DGCR2: variants seen among roughly 807,000 people sequenced by gnomAD.
The protein encoded by DGCR2 is DiGeorge syndrome critical region gene 2, also known as integral membrane protein DGCR2/IDD.
Under a neutral mutation model 51.6 loss-of-function variants are expected in DGCR2, and 24 were observed. The observed-to-expected ratio is 0.47, with a 90% CI of 0.34 to 0.65. The LOEUF (loss-of-function observed/expected upper bound fraction) is 0.65. DGCR2 is among the 30% of genes least tolerant of loss of function. The probability of loss-of-function intolerance (pLI) is 0.01; values close to 1 mark genes in which losing one functional copy is unlikely to be tolerated. For synonymous variants in DGCR2, 340 were observed against 315.4 expected (o/e 1.08, Z -0.82); for missense variants, 765 against 772.1 (o/e 0.99, Z 0.11).
Position 19,041,115 on chromosome 22 carries a change from G to C in DGCR2, c.1339C>G (p.Pro447Ala). The change falls in exon 9 of 10, where the codon CCT (proline) becomes GCT (alanine). Residue 447 changes from proline (P) to alanine (A), a missense_variant. Physicochemically the swap from Pro to Ala is conservative, Grantham distance 27 (BLOSUM62 -1). Coordinates refer to ENST00000263196, the MANE Select transcript of DGCR2 (RefSeq NM_005137.3). ...ATGGAGGCCTCGTAGGGCGGCGGAG[G>C]GTCGTCGGGCTGGCCGATGTCCGGG... Reference protein sequence around the residue: ...KYPDIGQPDDPPPPYEASIHP... With the variant: ...KYPDIGQPDDAPPPYEASIHP... 6.2e-7 allele frequency: 1 copy of C among 1,613,642 alleles called. No individual in the cohort carries two copies. Among genetic ancestry groups the C allele is most frequent in the Non-Finnish European group, 8.5e-7 (1 of 1,179,694 alleles).
At chr22:19,056,557 A>T (rs2082604741) in intron 6 of DGCR2, 1 of 349,604 alleles carries the variant, frequency 2.9e-6, no homozygotes, top group Non-Finnish European at 5.2e-6. Context: ...GCTTTAATAA[A>T]AAAAAAAAAA....
chr22:19,056,554 T>TC, intron 6 of DGCR2: 1 of 249,018 alleles, frequency 4.0e-6, no homozygotes, highest in South Asian at 5.9e-5. Context: ...CTGGCTTTAA[T>TC]AAAAAAAAAA....
chr22:19,121,861 G>A (rs573025750), intron 1 of DGCR2: 63 of 240,744 alleles, frequency 2.6e-4, no homozygotes, highest in African/African-American at 1.3e-3. Context: ...CGCCCGTGGC[G>A]TAGCTCCTGG....
chr22:19,110,187 C>T (rs1034727), intron 1 of DGCR2, among the ~76,000 whole-genome samples: 48,449 of 152,148 alleles, frequency 0.32, 8,706 homozygotes, highest in African/African-American at 0.49. Flanking sequence ...ATCCAAAAAA[C>T]GGGGTTACAG....
At chr22:19,068,256 T>C in intron 2 of DGCR2, 31 bp from the exon 3 acceptor site, 1 of 1,558,894 alleles carries the variant, frequency 6.4e-7, no homozygotes, top group Middle Eastern at 1.7e-4. Flanking sequence ...GTGCTGTGAG[T>C]CCTGCCTGTG....
rs1165723240 is a variant in DGCR2, at chr22:19,113,056, TG to T, written c.79+9071del. Among the ~76,000 whole-genome samples the T allele has an allele frequency of 1.9e-5, 2 of 104,294 alleles. 1 individual carries two copies. The highest frequency in any genetic ancestry group is 4.5e-5 in the Non-Finnish European group (2 of 44,894). The allele number at this position is 104,294 out of a possible 152,430, so 68.4% of individuals were successfully genotyped here. ...GCAACAGAGAAAGCAAGCAAGAACC[TG>T]GAACGCTGGATTAGAACTAAAGAAA... On this transcript the variant is annotated intron_variant, in intron 1 of 9. Coordinates refer to ENST00000263196, the MANE Select transcript of DGCR2 (RefSeq NM_005137.3).
At chr22:19,062,425 G>A (rs919133735) in intron 5 of DGCR2, among the ~76,000 whole-genome samples, 5 of 152,154 alleles carry the variant, frequency 3.3e-5, no homozygotes, top group African/African-American at 9.7e-5. Flanking sequence ...CTGTCCCCAG[G>A]CCCATCACTC....
chr22:19,065,487 C>T (rs1465957287), intron 3 of DGCR2, among the ~76,000 whole-genome samples: 1 of 152,204 alleles, frequency 6.6e-6, no homozygotes, highest in Non-Finnish European at 1.5e-5. Context: ...TTTCTACTTA[C>T]ATGAGCATTT....
In DGCR2 at chr22:19,041,932, G is replaced by C; in HGVS notation, c.1034C>G (p.Ala345Gly). 1 of 1,613,334 alleles carries C rather than the reference G, an allele frequency of 6.2e-7. No individual in the cohort carries two copies. Among genetic ancestry groups the C allele is most frequent in the Non-Finnish European group, 8.5e-7 (1 of 1,179,822 alleles). The change falls in exon 8 of 10, where the codon GCC (alanine) becomes GGC (glycine). Residue 345 changes from alanine (A) to glycine (G), a missense_variant. Physicochemically the swap from Ala to Gly is moderately conservative, Grantham distance 60 (BLOSUM62 0). This residue lies in a region of DGCR2 where 190 missense variants were observed against 265.2 expected (regional missense o/e 0.72). Coordinates refer to ENST00000263196, the MANE Select transcript of DGCR2 (RefSeq NM_005137.3). ...GCTGACGACCAGGCGCATCCCGCTG[G>C]CCATGGAGTCAAACAGACTGTTGCC... is the stretch of plus-strand genomic sequence containing the variant. ...PDGNSLFDSM[A>G]SGMRLVVSCI...
chr22:19,096,129 C>T (rs563246852), intron 1 of DGCR2, among the ~76,000 whole-genome samples: 1 of 152,318 alleles, frequency 6.6e-6, no homozygotes, highest in South Asian at 2.1e-4. Context: ...TCCATTCCTC[C>T]TCAGTGTATT....
At chr22:19,085,741 T>A (rs1365627414) in intron 2 of DGCR2, among the ~76,000 whole-genome samples, 1 of 152,226 alleles carries the variant, frequency 6.6e-6, no homozygotes, top group Admixed American at 6.5e-5. Context: ...GTTTTACATT[T>A]TTTATACTCC....
intron 7 of DGCR2, among the ~76,000 whole-genome samples, chr22:19,044,297 C>T (rs936547461): frequency 6.6e-6 from 1 of 152,212 alleles, no homozygotes; most frequent in African/African-American, 2.4e-5. Flanking sequence ...GAGTTCTGGG[C>T]TGTGCAGTTG....
chr22:19,042,106 G>T, intron 7 of DGCR2, 147 bp from the exon 8 acceptor site: 1 of 931,318 alleles, frequency 1.1e-6, no homozygotes, highest in Non-Finnish European at 1.6e-6. Flanking sequence ...GGATACATGT[G>T]AAATAAGGCC....
chr22:19,066,190 A>G (rs181935311), intron 3 of DGCR2, among the ~76,000 whole-genome samples: 1 of 152,312 alleles, frequency 6.6e-6, no homozygotes, highest in Non-Finnish European at 1.5e-5. Flanking sequence ...GCTTGAGCTC[A>G]GGAGCTTGAG....
intron 2 of DGCR2, among the ~76,000 whole-genome samples, chr22:19,084,365 G>C (rs893702906): frequency 5.3e-5 from 8 of 151,730 alleles, no homozygotes; most frequent in Admixed American, 4.6e-4. Context: ...ACCTCTGCCC[G>C]GCCACGACCC....
intron 1 of DGCR2, among the ~76,000 whole-genome samples, chr22:19,119,062 A>G (rs974359957): frequency 1.3e-5 from 2 of 152,174 alleles, no homozygotes; most frequent in African/African-American, 2.4e-5. Context: ...CTCAGACTGG[A>G]GTATCCACAT....
chr22:19,043,834 T>A (rs892518664), intron 7 of DGCR2, among the ~76,000 whole-genome samples: 1 of 152,124 alleles, frequency 6.6e-6, no homozygotes, highest in African/African-American at 2.4e-5. Flanking sequence ...GCTCCTGTCC[T>A]CCTCCCACGG....
chr22:19,100,605 G>A (rs928785603), intron 1 of DGCR2, among the ~76,000 whole-genome samples: 3 of 150,836 alleles, frequency 2.0e-5, no homozygotes, highest in Non-Finnish European at 2.9e-5. Flanking sequence ...GACGGAGGTT[G>A]CAGTGAGCCA....
At chr22:19,062,453 G>A (rs1202891845) in intron 5 of DGCR2, among the ~76,000 whole-genome samples, 1 of 152,156 alleles carries the variant, frequency 6.6e-6, no homozygotes, top group Non-Finnish European at 1.5e-5. Flanking sequence ...ATCCTTCTTA[G>A]AGATACTTAA....
Sources: gnomAD v4.1 joint callset for allele counts (sites outside exome capture counted in the v4.1 genomes callset) on GRCh38, gnomAD v4.1.1 for gene constraint, gnomAD v4.1.1 regional missense constraint, MANE v1.5 for transcripts, NCBI Gene and HGNC (gene_info 2026-07-23, HGNC 2026-07-21) for gene names.